Variants in CCDC171 observed in about 807,000 individuals in gnomAD.
CCDC171 encodes the protein coiled-coil domain-containing protein 171.
In CCDC171, 177 loss-of-function variants were observed where a neutral mutation model predicts 168.2. That is an observed-to-expected ratio of 1.05 (90% CI 0.93 to 1.19). CCDC171 has a LOEUF of 1.19. Among genes scored for constraint, CCDC171 ranks in the 50% most tolerant of loss-of-function variants. The probability of loss-of-function intolerance (pLI) is 0.00; values close to 1 mark genes in which losing one functional copy is unlikely to be tolerated. For synonymous variants in CCDC171, 687 were observed against 540.8 expected (o/e 1.27, Z -3.75); for missense variants, 1,991 against 1,539.0 (o/e 1.29, Z -4.91).
At chr9:16,066,606 C>G (rs1339825134), downstream of CCDC171, among the ~76,000 whole-genome samples, 2 of 112,176 alleles carry the variant, frequency 1.8e-5, no homozygotes, top group Non-Finnish European at 3.5e-5. Context: ...TGCTATCCCT[C>G]CCCCCTCCCC....
At chr9:16,065,212 C>T (rs1311506154), downstream of CCDC171, among the ~76,000 whole-genome samples, 2 of 152,166 alleles carry the variant, frequency 1.3e-5, no homozygotes, top group Non-Finnish European at 2.9e-5. Flanking sequence ...TTGTGTTATT[C>T]TACCATTAAG....
At chr9:16,018,142 A>C (rs1265741592) in intron 3 of CCDC171, among the ~76,000 whole-genome samples, 1 of 152,180 alleles carries the variant, frequency 6.6e-6, no homozygotes, top group Non-Finnish European at 1.5e-5. Context: ...TTAGGTGCTA[A>C]TCTCCCATAT....
intron 3 of CCDC171, among the ~76,000 whole-genome samples, chr9:16,013,428 A>G (rs1234705564): frequency 1.3e-5 from 2 of 152,060 alleles, no homozygotes; most frequent in African/African-American, 2.4e-5. Flanking sequence ...GATCTCTTCT[A>G]TTTACTCACT....
chr9:15,596,326 G>A (rs1335942756), intron 6 of CCDC171, among the ~76,000 whole-genome samples: 1 of 151,774 alleles, frequency 6.6e-6, no homozygotes, highest in Non-Finnish European at 1.5e-5. Flanking sequence ...TTTGTATAAG[G>A]TGTAAGGAAG....
At position 15,553,088 on chromosome 9, in the gene CCDC171, CG is replaced by C. The variant is rs1466182856; in HGVS notation, c.-324del. 6.6e-6 allele frequency: 1 copy of C among 152,434 alleles called. No individual in the cohort carries two copies. Among genetic ancestry groups the C allele is most frequent in the Non-Finnish European group, 1.5e-5 (1 of 68,234 alleles). The allele number at this position is 152,434 out of a possible 1,614,324, so 9.4% of individuals were successfully genotyped here. On this transcript the variant is annotated 5_prime_UTR_variant, in exon 1 of 26. Coordinates refer to ENST00000380701, the MANE Select transcript of CCDC171 (RefSeq NM_173550.4). ...GAGAGAAGCGGAGTGTTTTCAGCTC[CG>C]GAAGTGGCAGTTGTAAACTTCACCT...
rs541541302 is a variant in CCDC171, at chr9:15,847,652, A to T, written c.3413+805A>T. ...AAACGCAGTGTTTTCTAAATTTAGA[A>T]TTCTGAATTTCTTTACTTGCAAAAA... On this transcript the variant is annotated intron_variant, in intron 22 of 25. Transcript: ENST00000380701. Among the ~76,000 whole-genome samples the T allele has an allele frequency of 2.0e-5, 3 of 152,136 alleles. No homozygotes were observed. In the East Asian group the frequency reaches 5.8e-4, roughly 29 times the overall value.
chr9:15,773,330 A>T (rs2057112429), intron 18 of CCDC171, among the ~76,000 whole-genome samples: 1 of 152,190 alleles, frequency 6.6e-6, no homozygotes, highest in African/African-American at 2.4e-5. Flanking sequence ...AAAGTAGTGG[A>T]ACTGTTGCAA....
At chr9:16,012,715 TC>T (rs1407058955) in intron 3 of CCDC171, among the ~76,000 whole-genome samples, 29 of 152,210 alleles carry the variant, frequency 1.9e-4, no homozygotes, top group Middle Eastern at 3.2e-3. Flanking sequence ...TTATCACAGT[TC>T]CTCTGAGGTC....
In CCDC171 at chr9:15,685,896, AAATGT is replaced by A. The variant is rs1326391286; in HGVS notation, c.1215+7004_1215+7008del. Reference sequence around the variant, plus strand: ...TGAAAATTATAATATTAATAATTACAAATGTAATAGTAATTTTCAGGTAGATGAAC... The same window carrying A: ...TGAAAATTATAATATTAATAATTACAAATAGTAATTTTCAGGTAGATGAAC... On this transcript the variant is annotated intron_variant, in intron 10 of 25. Coordinates refer to ENST00000380701, the MANE Select transcript of CCDC171 (RefSeq NM_173550.4). 5.3e-5 allele frequency among the ~76,000 whole-genome samples: 8 copies of A among 152,322 alleles called. No individual in the cohort carries two copies. The East Asian group carries it at 1.5e-3, about 29-fold the overall frequency.
chr9:15,803,740 G>C (rs1245129644), intron 21 of CCDC171, among the ~76,000 whole-genome samples: 1 of 121,912 alleles, frequency 8.2e-6, no homozygotes. Context: ...GACTGCCTAG[G>C]CTATTTGGGC....
chr9:15,645,139 A>G (rs1236540569), intron 7 of CCDC171, among the ~76,000 whole-genome samples: 1 of 152,226 alleles, frequency 6.6e-6, no homozygotes, highest in East Asian at 1.9e-4. Flanking sequence ...CAGGGTCTGG[A>G]GTGGACCTCC....
chr9:16,003,246 G>A (rs970625741), intron 3 of CCDC171, among the ~76,000 whole-genome samples: 3 of 152,092 alleles, frequency 2.0e-5, no homozygotes, highest in African/African-American at 4.8e-5. Flanking sequence ...GGTGTCTCTC[G>A]AATAATATCC....
intron 3 of CCDC171, among the ~76,000 whole-genome samples, chr9:15,994,525 G>A (rs1053378353): frequency 1.3e-5 from 2 of 152,120 alleles, no homozygotes; most frequent in African/African-American, 2.4e-5. Context: ...CATGGCACAC[G>A]TATACATATG....
intron 6 of CCDC171, among the ~76,000 whole-genome samples, chr9:16,032,896 G>C (rs2133043277): frequency 6.6e-6 from 1 of 152,290 alleles, no homozygotes; most frequent in Admixed American, 6.5e-5. Context: ...AGGCTCTCCA[G>C]GGCCTGGATT....
chr9:15,686,842 G>C lies in CCDC171; in HGVS notation c.1215+7946G>C, dbSNP rs1231895066. Among the ~76,000 whole-genome samples, 3 of 152,266 alleles carry C rather than the reference G, an allele frequency of 2.0e-5. No individual in the cohort carries two copies. The South Asian group carries it at 6.2e-4, about 32-fold the overall frequency. ...TTCAGTACCCCACTTGCAGTAATGG[G>C]TAGAACAATGAGGAAGAATATCACC... On this transcript the variant is annotated intron_variant, in intron 10 of 25. Coordinates refer to ENST00000380701, the MANE Select transcript of CCDC171 (RefSeq NM_173550.4).
intron 25 of CCDC171, among the ~76,000 whole-genome samples, chr9:15,946,610 C>G (rs202222863): frequency 3.3e-5 from 5 of 151,878 alleles, no homozygotes; most frequent in African/African-American, 1.2e-4. Flanking sequence ...GTAATTTCTA[C>G]ATTCAATGCC....
intron 21 of CCDC171, 144 bp from the exon 22 acceptor site, chr9:15,846,558 C>G (rs1183840148): frequency 1.5e-6 from 1 of 684,670 alleles, no homozygotes; most frequent in African/African-American, 1.8e-5. Context: ...AAAATTTTTG[C>G]AGAAAATTTG....
At chr9:15,671,804 A>C (rs998675725) in intron 9 of CCDC171, among the ~76,000 whole-genome samples, 1 of 152,180 alleles carries the variant, frequency 6.6e-6, no homozygotes, top group Non-Finnish European at 1.5e-5. Flanking sequence ...ATAGTGCCGC[A>C]ATAAACATAC....
intron 8 of CCDC171, among the ~76,000 whole-genome samples, chr9:15,663,997 C>T (rs533325169): frequency 6.6e-6 from 1 of 152,012 alleles, no homozygotes; most frequent in Non-Finnish European, 1.5e-5. Flanking sequence ...TTATCTTAAG[C>T]GAAACAACTC....
Sources: gnomAD v4.1 joint callset for allele counts (sites outside exome capture counted in the v4.1 genomes callset) on GRCh38, gnomAD v4.1.1 for gene constraint, MANE v1.5 for transcripts, NCBI Gene and HGNC (gene_info 2026-07-23, HGNC 2026-07-21) for gene names.